The following STYK1 variants were observed in gnomAD, a reference collection of about 807,000 sequenced individuals.
STYK1 encodes the protein tyrosine-protein kinase STYK1.
A neutral mutation model predicts 48.1 loss-of-function variants in STYK1; 46 were observed. That is an observed-to-expected ratio of 0.96 (90% CI 0.75 to 1.22). The LOEUF (loss-of-function observed/expected upper bound fraction) is 1.22, where lower values mean the gene tolerates loss of function less well. STYK1 is among the 50% of genes most tolerant of loss of function. The pLI, the probability that STYK1 is intolerant of heterozygous loss-of-function variation, is 0.00. For missense variants in STYK1, 527 were observed against 521.1 expected (o/e 1.01, Z -0.11); for synonymous variants, 188 against 189.0 (o/e 0.99, Z 0.04).
Position 10,620,301 on chromosome 12 carries a change from G to A in STYK1, c.1112C>T (p.Pro371Leu), listed in dbSNP as rs996563648. ...SCWRWREADR[P>L]SPRELRLRLE... ...GCGCAAGCGCAGCTCTCTAGGTGAG[G>A]GGCGGTCAGCCTCACGCCAGCGCCA... The change falls in exon 11 of 11, where the codon CCC becomes CTC. Residue 371 changes from proline (P) to leucine (L), a missense_variant. Coordinates refer to ENST00000075503, the MANE Select transcript of STYK1 (RefSeq NM_018423.3). The A allele has an allele frequency of 1.2e-6, 2 of 1,613,798 alleles. No individual in the cohort carries two copies. The highest frequency in any genetic ancestry group is 1.3e-5 in the African/African-American group (1 of 75,028).
chr12:10,634,417 A>G (rs1947463763), intron 3 of STYK1, 150 bp downstream of exon 3: 3 of 907,810 alleles, frequency 3.3e-6, no homozygotes, highest in African/African-American at 3.3e-5. Context: ...CCTCTCCCCA[A>G]AAAGACAATG....
intron 1 of STYK1, among the ~76,000 whole-genome samples, chr12:10,669,252 T>C (rs1336497571): frequency 6.6e-6 from 1 of 152,118 alleles, no homozygotes; most frequent in Non-Finnish European, 1.5e-5. Flanking sequence ...ATACTAAAAG[T>C]ACAAGGGGGA....
chr12:10,645,347 G>A (rs1223434651), intron 1 of STYK1, among the ~76,000 whole-genome samples: 1 of 152,018 alleles, frequency 6.6e-6, no homozygotes, highest in East Asian at 1.9e-4. Flanking sequence ...ATGAATGAGA[G>A]GACTGAAAAG....
rs1865866508 is a variant in STYK1, at chr12:10,619,215, C to T, written c.*929G>A. 2 of 152,122 alleles carry T rather than the reference C, an allele frequency of 1.3e-5. No homozygotes were observed. Among genetic ancestry groups the T allele is most frequent in the Admixed American group, 1.3e-4 (2 of 15,268 alleles). 9.4% of individuals were successfully genotyped at this position (152,122 alleles called of 1,614,324 possible). ...AATATTAATTTAATAAAATAAGTTT[C>T]ACAGTATATCAACAGATGATTGAAA... On this transcript the variant is annotated 3_prime_UTR_variant, in exon 11 of 11. Coordinates refer to ENST00000075503, the MANE Select transcript of STYK1 (RefSeq NM_018423.3).
At chr12:10,620,475 C>G in intron 10 of STYK1, 127 bp from the exon 11 acceptor site, 4 of 817,108 alleles carry the variant, frequency 4.9e-6, no homozygotes, top group Non-Finnish European at 7.7e-6. Context: ...TGCCCTGTTA[C>G]TCATATTCTT....
chr12:10,644,051 A>G (rs984913313), intron 1 of STYK1, among the ~76,000 whole-genome samples: 2 of 152,238 alleles, frequency 1.3e-5, no homozygotes, highest in African/African-American at 4.8e-5. Context: ...GATGGAACTT[A>G]AGGACTTTAT....
At position 10,627,660 on chromosome 12, in the gene STYK1, T is replaced by G; in HGVS notation, c.698A>C (p.Lys233Thr). ...TCTTACCAGCGCCAAAAGGACCTGC[T>G]TTCCGATGTGATATACTTGTTTTTC... Reference protein sequence around the residue: ...LTEKQVYHIGKQVLLALEFLQ... With the variant: ...LTEKQVYHIGTQVLLALEFLQ... The change falls in exon 7 of 11, where the codon AAG becomes ACG. Residue 233 changes from lysine (K) to threonine (T), a missense_variant. Lys to Thr is a moderately conservative substitution (Grantham distance 78). Coordinates refer to ENST00000075503, the MANE Select transcript of STYK1 (RefSeq NM_018423.3). 2 of 1,613,908 alleles carry G rather than the reference T, an allele frequency of 1.2e-6. No homozygotes were observed. The highest frequency in any genetic ancestry group is 1.7e-6 in the Non-Finnish European group (2 of 1,179,924).
chr12:10,663,954 A>C (rs1275978732), intron 1 of STYK1, among the ~76,000 whole-genome samples: 1 of 152,222 alleles, frequency 6.6e-6, no homozygotes, highest in African/African-American at 2.4e-5. Flanking sequence ...TAAACTTTAT[A>C]GTTCCATGGC....
chr12:10,620,992 CGTGT>C (rs1247463097), intron 10 of STYK1, among the ~76,000 whole-genome samples: 4 of 151,902 alleles, frequency 2.6e-5, no homozygotes, highest in African/African-American at 7.3e-5. Flanking sequence ...ATATTCTGTG[CGTGT>C]GTGTGTATGT....
chr12:10,669,622 T>C (rs1947871428), intron 1 of STYK1, among the ~76,000 whole-genome samples: 1 of 151,656 alleles, frequency 6.6e-6, no homozygotes, highest in South Asian at 2.1e-4. Flanking sequence ...AAAGCAAAAA[T>C]AGACAAATGG....
chr12:10,626,688 G>A (rs1174294976), intron 7 of STYK1, among the ~76,000 whole-genome samples: 1 of 152,116 alleles, frequency 6.6e-6, no homozygotes, highest in East Asian at 1.9e-4. Context: ...CTTAAACCCT[G>A]AGTTCTTTCT....
At position 10,622,690 on chromosome 12, in the gene STYK1, A is replaced by G. The variant is rs1181371301; in HGVS notation, c.927-12T>C. On this transcript the variant is annotated splice_polypyrimidine_tract_variant and intron_variant, in intron 8 of 10. Transcript: ENST00000075503. ...TCCCAAAAGACCAGCTGTAAAAGAA[A>G]CAAAGCCATCTATTTAATTTCTATT... The G allele has an allele frequency of 1.9e-6, 3 of 1,613,992 alleles. No homozygotes were observed. Among genetic ancestry groups the G allele is most frequent in the Non-Finnish European group, 2.5e-6 (3 of 1,179,896 alleles).
intron 5 of STYK1, 104 bp downstream of exon 5, chr12:10,630,941 C>G: frequency 1.4e-6 from 2 of 1,442,994 alleles, no homozygotes; most frequent in Admixed American, 1.9e-5. Context: ...TTCTTCTGTA[C>G]ACAGTTATGA....
chr12:10,643,287 T>G lies in STYK1; in HGVS notation c.-194-6091A>C, dbSNP rs142559377. Among the ~76,000 whole-genome samples, 4 of 152,316 alleles carry G rather than the reference T, an allele frequency of 2.6e-5. No individual in the cohort carries two copies. In the East Asian group the frequency reaches 7.7e-4, roughly 29 times the overall value. On this transcript the variant is annotated intron_variant, in intron 1 of 10. Coordinates refer to ENST00000075503, the MANE Select transcript of STYK1 (RefSeq NM_018423.3). ...GCTACTAATATAAAAGCCTCCCAGA[T>G]AAATGCAACCACAATGGTTGAATGC...
rs571995061 is a variant in STYK1, at chr12:10,624,419, G to A, written c.926+232C>T. On this transcript the variant is annotated intron_variant, in intron 8 of 10. Transcript: ENST00000075503. ...AGCCTGGGCAACACAGTGAGATCCT[G>A]TCTTAGAAAAGAAAAGAAGAAAAGA... Among the ~76,000 whole-genome samples the A allele has an allele frequency of 2.0e-5, 3 of 152,042 alleles. No individual in the cohort carries two copies. In the South Asian group the frequency reaches 6.2e-4, roughly 32 times the overall value.
intron 10 of STYK1, among the ~76,000 whole-genome samples, 172 bp from the exon 11 acceptor site, chr12:10,620,520 A>G (rs575505940): frequency 6.6e-6 from 1 of 152,274 alleles, no homozygotes; most frequent in South Asian, 2.1e-4. Flanking sequence ...ATCTTTTTAT[A>G]TCAAGTCTCT....
chr12:10,648,984 G>A (rs796490833), intron 1 of STYK1, among the ~76,000 whole-genome samples: 26 of 152,308 alleles, frequency 1.7e-4, no homozygotes, highest in African/African-American at 6.3e-4. Context: ...TTGGCACTAT[G>A]AAAATTGAGA....
intron 1 of STYK1, among the ~76,000 whole-genome samples, chr12:10,660,229 C>A (rs1460090684): frequency 6.6e-6 from 1 of 152,120 alleles, no homozygotes; most frequent in East Asian, 1.9e-4. Flanking sequence ...TGAATGTTTT[C>A]TTAAATTGAA....
At chr12:10,630,977 T>C in intron 5 of STYK1, 68 bp downstream of exon 5, 1 of 1,570,116 alleles carries the variant, frequency 6.4e-7, no homozygotes, top group Non-Finnish European at 8.7e-7. Flanking sequence ...AGTTAACATC[T>C]CAATGTTCGC....
Sources: gnomAD v4.1 joint callset for allele counts (sites outside exome capture counted in the v4.1 genomes callset) on GRCh38, gnomAD v4.1.1 for gene constraint, MANE v1.5 for transcripts, NCBI Gene and HGNC (gene_info 2026-07-23, HGNC 2026-07-21) for gene names.